SRD5A2: variants seen among roughly 807,000 people sequenced by gnomAD.
SRD5A2 encodes 3-oxo-5-alpha-steroid 4-dehydrogenase 2.
In SRD5A2, 30 loss-of-function variants were observed where a neutral mutation model predicts 27.4. That is an observed-to-expected ratio of 1.10 (90% CI 0.82 to 1.49). The LOEUF (loss-of-function observed/expected upper bound fraction) is 1.49, where lower values mean the gene tolerates loss of function less well. SRD5A2 is among the 40% of genes most tolerant of loss of function. SRD5A2 has a pLI of 0.00. For synonymous variants in SRD5A2, 141 were observed against 133.6 expected, an observed-to-expected ratio of 1.06 and a Z score of -0.38; for missense variants, 348 against 323.4, an observed-to-expected ratio of 1.08 and a Z score of -0.58.
At position 31,526,145 on chromosome 2, in the gene SRD5A2, A is replaced by T; in HGVS notation, c.*51T>A. 1 of 1,167,736 alleles carries T rather than the reference A, an allele frequency of 8.6e-7. No individual in the cohort carries two copies. Among genetic ancestry groups the T allele is most frequent in the Non-Finnish European group, 1.2e-6 (1 of 801,538 alleles). The allele number at this position is 1,167,736 out of a possible 1,614,324, so 72.3% of individuals were successfully genotyped here. A position where few individuals can be genotyped will look rare whatever the true frequency, so the allele number is the denominator to read the frequency against. ...TGAAAATTACAGTTTCAGCAGCTTGACAGTTTTCATCAGCATTGTGGGAGC... is the reference window on the plus strand; with the variant it reads ...TGAAAATTACAGTTTCAGCAGCTTGTCAGTTTTCATCAGCATTGTGGGAGC... On this transcript the variant is annotated 3_prime_UTR_variant, in exon 5 of 5. Coordinates refer to ENST00000622030, the MANE Select transcript of SRD5A2 (RefSeq NM_000348.4).
At chr2:31,595,519 C>T in the SRD5A2 span, among the ~76,000 whole-genome samples, 1 of 152,038 alleles carries the variant, frequency 6.6e-6, no homozygotes, top group South Asian at 2.1e-4. Flanking sequence ...AATAGAAACT[C>T]TGAACAGACA....
At chr2:31,608,316 TA>T in the SRD5A2 span, among the ~76,000 whole-genome samples, 2 of 151,972 alleles carry the variant, frequency 1.3e-5, no homozygotes, top group East Asian at 3.9e-4. Flanking sequence ...TATGAATGTA[TA>T]TTGAAATCTC....
chr2:31,574,664 C>G (rs904447845), intron 1 of SRD5A2, among the ~76,000 whole-genome samples: 2 of 152,210 alleles, frequency 1.3e-5, no homozygotes, highest in African/African-American at 4.8e-5. Flanking sequence ...CCCAAGAATT[C>G]TCAGAAAACA....
chr2:31,557,590 G>A (rs1666525828), intron 1 of SRD5A2, among the ~76,000 whole-genome samples: 1 of 152,140 alleles, frequency 6.6e-6, no homozygotes, highest in Non-Finnish European at 1.5e-5. Context: ...TATTGAGGGA[G>A]TAGGAATGGA....
At chr2:31,629,439 T>C in the SRD5A2 span, among the ~76,000 whole-genome samples, 2 of 152,190 alleles carry the variant, frequency 1.3e-5, no homozygotes, top group Non-Finnish European at 2.9e-5. Context: ...TTTTGCTTGC[T>C]ATTCTGTCCT....
chr2:31,570,465 C>A (rs369088994), intron 1 of SRD5A2, among the ~76,000 whole-genome samples: 1 of 152,108 alleles, frequency 6.6e-6, no homozygotes, highest in Non-Finnish European at 1.5e-5. Flanking sequence ...AAAACTAGAA[C>A]AAGATAAGGA....
At chr2:31,662,047 T>C in the SRD5A2 span, among the ~76,000 whole-genome samples, 1 of 152,144 alleles carries the variant, frequency 6.6e-6, no homozygotes, top group South Asian at 2.1e-4. Context: ...TTCACCAACT[T>C]TTCACTCTTA....
the SRD5A2 span, among the ~76,000 whole-genome samples, chr2:31,625,739 T>A: frequency 6.6e-6 from 1 of 152,234 alleles, no homozygotes; most frequent in Non-Finnish European, 1.5e-5. Flanking sequence ...TTGGTATCAG[T>A]ACAATGCTGT....
At position 31,524,259 on chromosome 2, in the gene SRD5A2, T is replaced by A; in HGVS notation, c.*1937A>T. 4.4e-6 allele frequency: 1 copy of A among 227,192 alleles called. No individual in the cohort carries two copies. 14.1% of individuals were successfully genotyped at this position (227,192 alleles called of 1,614,324 possible). On this transcript the variant is annotated 3_prime_UTR_variant, in exon 5 of 5. Transcript: ENST00000622030. Reference sequence around the variant, plus strand: ...TATGTCACAGAGCTCAAGCTACACCTGAAGATTTACTTCACCAAGTGTGTT... The same window carrying A: ...TATGTCACAGAGCTCAAGCTACACCAGAAGATTTACTTCACCAAGTGTGTT...
the SRD5A2 span, among the ~76,000 whole-genome samples, chr2:31,598,509 A>G: frequency 1.4e-4 from 21 of 151,982 alleles, no homozygotes; most frequent in African/African-American, 4.6e-4. Context: ...ACAAAAAAAA[A>G]GAAGGGGGAA....
At chr2:31,597,937 C>G in the SRD5A2 span, among the ~76,000 whole-genome samples, 5 of 152,124 alleles carry the variant, frequency 3.3e-5, no homozygotes, top group Non-Finnish European at 7.4e-5. Context: ...TTTGACCCAG[C>G]ACTCCCACTA....
chr2:31,533,047 A>T (rs1391710052), intron 2 of SRD5A2, among the ~76,000 whole-genome samples: 2 of 152,198 alleles, frequency 1.3e-5, no homozygotes, highest in Non-Finnish European at 2.9e-5. Context: ...ACACTTTCTT[A>T]AAACATTGTT....
rs758737875 is a variant in SRD5A2, at chr2:31,580,909, G to C, written c.-9C>G. On this transcript the variant is annotated 5_prime_UTR_variant, in exon 1 of 5. Coordinates refer to ENST00000622030, the MANE Select transcript of SRD5A2 (RefSeq NM_000348.4). Reference sequence around the variant, plus strand: ...TGGCACTGAACCTGCATCGCGCCGTGTTCCTCGCCGGTGGCCGCTGCCCTC... The same window carrying C: ...TGGCACTGAACCTGCATCGCGCCGTCTTCCTCGCCGGTGGCCGCTGCCCTC... 1.4e-5 allele frequency: 23 copies of C among 1,589,664 alleles called. No homozygotes were observed. Among genetic ancestry groups the C allele is most frequent in the Non-Finnish European group, 1.7e-5 (20 of 1,165,918 alleles).
chr2:31,620,931 T>C, the SRD5A2 span, among the ~76,000 whole-genome samples: 1 of 146,936 alleles, frequency 6.8e-6, no homozygotes, highest in Non-Finnish European at 1.5e-5. Flanking sequence ...TATATATATA[T>C]AAAATTATAT....
At chr2:31,565,625 C>A (rs983639336) in intron 1 of SRD5A2, among the ~76,000 whole-genome samples, 3 of 151,876 alleles carry the variant, frequency 2.0e-5, no homozygotes, top group African/African-American at 7.2e-5. Flanking sequence ...AAGATTGTTT[C>A]ATCACGATAA....
the SRD5A2 span, among the ~76,000 whole-genome samples, chr2:31,647,752 G>A: frequency 6.6e-6 from 1 of 152,010 alleles, no homozygotes; most frequent in African/African-American, 2.4e-5. Context: ...TTACACAAAT[G>A]GCACTAAATT....
At position 31,549,423 on chromosome 2, in the gene SRD5A2, C is replaced by A. The variant is rs1037472590; in HGVS notation, c.282-15657G>T. ...TATTTTCTTACTAGGTACAGAGTTT[C>A]AGTTTTATAAGATAAAGAGTCATGA... is the stretch of plus-strand genomic sequence containing the variant. On this transcript the variant is annotated intron_variant, in intron 1 of 4. Coordinates refer to ENST00000622030, the MANE Select transcript of SRD5A2 (RefSeq NM_000348.4). 1.2e-4 allele frequency among the ~76,000 whole-genome samples: 18 copies of A among 151,912 alleles called. 1 individual carries two copies. The highest frequency in any genetic ancestry group is 2.2e-4 in the Non-Finnish European group (15 of 67,968).
At chr2:31,659,953 T>A in the SRD5A2 span, among the ~76,000 whole-genome samples, 1 of 152,128 alleles carries the variant, frequency 6.6e-6, no homozygotes, top group African/African-American at 2.4e-5. Flanking sequence ...TTTGTGTTAG[T>A]TTCTACCTCT....
At position 31,525,887 on chromosome 2, in the gene SRD5A2, C is replaced by T; in HGVS notation, c.*309G>A. On this transcript the variant is annotated 3_prime_UTR_variant, in exon 5 of 5. Transcript: ENST00000622030. ...GGGAGTGGGTATGAAGCCACATGTA[C>T]TTGGATTGCCCGGTGAAAGACATAG... 3.2e-6 allele frequency: 1 copy of T among 309,806 alleles called. No homozygotes were observed. The highest frequency in any genetic ancestry group is 9.0e-5 in the South Asian group (1 of 11,064). The allele number at this position is 309,806 out of a possible 1,614,324, so 19.2% of individuals were successfully genotyped here.
Sources: allele counts gnomAD v4.1 joint callset (sites outside exome capture counted in the v4.1 genomes callset), GRCh38; gene constraint gnomAD v4.1.1; transcripts MANE v1.5; gene names NCBI Gene and HGNC (gene_info 2026-07-23, HGNC 2026-07-21).